The following ACP3 variants were observed in gnomAD, a reference collection of about 807,000 sequenced individuals.
The protein encoded by ACP3 is prostatic acid phosphatase.
In ACP3, 38 loss-of-function variants were observed where a neutral mutation model predicts 45.6. That is an observed-to-expected ratio of 0.83 (90% CI 0.64 to 1.09). The LOEUF is 1.09. Ranked by LOEUF, ACP3 falls within the 50% of genes least tolerant of loss-of-function variation. The probability of loss-of-function intolerance (pLI) is 0.00; values close to 1 mark genes in which losing one functional copy is unlikely to be tolerated. For synonymous variants in ACP3, 162 were observed against 164.7 expected, an observed-to-expected ratio of 0.98 and a Z score of 0.13; for missense variants, 466 against 463.2, an observed-to-expected ratio of 1.01 and a Z score of -0.05.
At chr3:132,359,859 T>C (rs1275573187), downstream of ACP3, among the ~76,000 whole-genome samples, 1 of 152,208 alleles carries the variant, frequency 6.6e-6, no homozygotes, top group Admixed American at 6.5e-5. Context: ...CCACTTCACC[T>C]GGGCAGCTCC....
intron 8 of ACP3, among the ~76,000 whole-genome samples, chr3:132,351,729 T>C (rs902937561): frequency 9.2e-5 from 14 of 152,210 alleles, no homozygotes; most frequent in African/African-American, 2.4e-4. Flanking sequence ...CTTTTTTTTT[T>C]TCTCTATTAG....
At chr3:132,318,506 T>C (rs1182504107) in intron 1 of ACP3, among the ~76,000 whole-genome samples, 1 of 152,140 alleles carries the variant, frequency 6.6e-6, no homozygotes, top group African/African-American at 2.4e-5. Context: ...TCAGGCTTTT[T>C]TTTTTTTCAG....
Position 132,356,746 on chromosome 3 carries a change from G to A in ACP3, c.1029G>A (p.Met343Ile). The stretch of plus-strand genomic sequence containing the variant: ...CGCAGCACGAGCCGTATCCCCTCAT[G>A]CTACCTGGCTGCAGCCCCAGCTGTC... ...NETQHEPYPLMLPGCSPSCPL... is the reference protein window; with the variant it reads ...NETQHEPYPLILPGCSPSCPL... Residue 343 changes from methionine to isoleucine, a missense_variant, in exon 10 of 10, where the codon ATG (methionine) becomes ATA (isoleucine). By Grantham distance (10) the Met-to-Ile change is conservative. Coordinates refer to ENST00000336375, the MANE Select transcript of ACP3 (RefSeq NM_001099.5). 1 of 1,614,154 alleles carries A rather than the reference G, an allele frequency of 6.2e-7. No individual in the cohort carries two copies. The highest frequency in any genetic ancestry group is 8.5e-7 in the Non-Finnish European group (1 of 1,180,028).
At chr3:132,351,910 G>A (rs1289451438) in intron 8 of ACP3, among the ~76,000 whole-genome samples, 1 of 152,158 alleles carries the variant, frequency 6.6e-6, no homozygotes, top group Non-Finnish European at 1.5e-5. Flanking sequence ...CCACTCTGGG[G>A]TAAACATTTA....
In ACP3 at chr3:132,358,735, T is replaced by G. The variant is rs1337323228; in HGVS notation, c.*1857T>G. 1.5e-5 allele frequency: 15 copies of G among 991,954 alleles called. No individual in the cohort carries two copies. In the East Asian group the frequency reaches 1.5e-3, roughly 100 times the overall value. 61.4% of individuals were successfully genotyped at this position (991,954 alleles called of 1,614,324 possible). A position where few individuals can be genotyped will look rare whatever the true frequency, so the allele number is the denominator to read the frequency against. ...AGTGAGCCAAATGTAAAATAGTGAA[T>G]AAAGTCATTATTAGGAAGTTCAAAA... On this transcript the variant is annotated 3_prime_UTR_variant, in exon 10 of 10. Transcript: ENST00000336375.
At chr3:132,320,000 C>A (rs1937176174) in intron 1 of ACP3, among the ~76,000 whole-genome samples, 1 of 151,846 alleles carries the variant, frequency 6.6e-6, no homozygotes, top group Non-Finnish European at 1.5e-5. Context: ...GTGCCTGTGA[C>A]CCATGAAATG....
In ACP3 at chr3:132,349,928, G is replaced by A. The variant is rs1022566053; in HGVS notation, c.790G>A (p.Val264Ile). ...EKSRLQGGVLVNEILNHMKRA... is the reference protein window; with the variant it reads ...EKSRLQGGVLINEILNHMKRA... ...GATTCATCTTCTTTAAGGTGTCCTGGTCAATGAAATCCTCAATCACATGAA... is the reference window on the plus strand; with the variant it reads ...GATTCATCTTCTTTAAGGTGTCCTGATCAATGAAATCCTCAATCACATGAA... Residue 264 changes from valine (V) to isoleucine (I), a missense_variant, in exon 8 of 10, where the codon GTC (valine) becomes ATC (isoleucine). Physicochemically the swap from Val to Ile is conservative, Grantham distance 29. Transcript: ENST00000336375. 3.7e-6 allele frequency: 6 copies of A among 1,611,404 alleles called. No individual in the cohort carries two copies. The highest frequency in any genetic ancestry group is 4.2e-6 in the Non-Finnish European group (5 of 1,177,812).
intron 5 of ACP3, among the ~76,000 whole-genome samples, chr3:132,341,284 T>C (rs6774596): frequency 0.12 from 18,469 of 152,202 alleles, 1,371 homozygotes; most frequent in Non-Finnish European, 0.18. Flanking sequence ...TTTTATGAAA[T>C]TAAGGAAATA....
chr3:132,347,056 T>C (rs1409746984), intron 7 of ACP3, among the ~76,000 whole-genome samples: 1 of 152,220 alleles, frequency 6.6e-6, no homozygotes, highest in Non-Finnish European at 1.5e-5. Context: ...AAGATTACAT[T>C]TGGGAGAAGC....
At chr3:132,362,996 A>C (rs1163433273), downstream of ACP3, among the ~76,000 whole-genome samples, 2 of 152,198 alleles carry the variant, frequency 1.3e-5, no homozygotes, top group African/African-American at 4.8e-5. Context: ...ATTAAGATAC[A>C]ATTAATCATG....
rs572333680 is a variant in ACP3, at chr3:132,325,917, A to G, written c.121-2350A>G. 2.6e-5 allele frequency among the ~76,000 whole-genome samples: 4 copies of G among 152,370 alleles called. No individual in the cohort carries two copies. The South Asian group carries it at 6.2e-4, about 24-fold the overall frequency. ...TTTGTGGAACTGATGAGAAGATTAC[A>G]TCTATGAGAAGCACTTAGCACAGTT... On this transcript the variant is annotated intron_variant, in intron 1 of 9. Coordinates refer to ENST00000336375, the MANE Select transcript of ACP3 (RefSeq NM_001099.5).
intron 6 of ACP3, among the ~76,000 whole-genome samples, chr3:132,344,157 A>G (rs1257918667): frequency 2.0e-5 from 3 of 152,064 alleles, no homozygotes; most frequent in Non-Finnish European, 4.4e-5. Flanking sequence ...GCATGCCTGT[A>G]ATCCCAGCTA....
intron 1 of ACP3, among the ~76,000 whole-genome samples, chr3:132,318,930 C>A (rs895943706): frequency 2.6e-5 from 4 of 152,142 alleles, no homozygotes; most frequent in Non-Finnish European, 5.9e-5. Flanking sequence ...TGATGTATTC[C>A]CTCCTCCATG....
intron 6 of ACP3, 79 bp downstream of exon 6, chr3:132,342,723 T>G: frequency 1.2e-6 from 1 of 853,192 alleles, no homozygotes; most frequent in Non-Finnish European, 1.8e-6. Flanking sequence ...ATGAATATCT[T>G]TTCTTTCACT....
In ACP3 at chr3:132,337,467, G is replaced by A; in HGVS notation, c.468G>A (p.Leu156=). Residue 156 remains leucine, a synonymous_variant, in exon 5 of 10, where the codon CTG becomes CTA. Coordinates refer to ENST00000336375, the MANE Select transcript of ACP3 (RefSeq NM_001099.5). ...VPLSEDQLLY[L]PFRNCPRFQE... is the part of the protein sequence containing the mutation. ...TCTCTTATCCTCAGTTGCTATACCT[G>A]CCTTTCAGGAACTGCCCTCGTTTTC... 1.2e-6 allele frequency: 2 copies of A among 1,608,006 alleles called. No individual in the cohort carries two copies. Among genetic ancestry groups the A allele is most frequent in the South Asian group, 1.1e-5 (1 of 90,544 alleles).
intron 5 of ACP3, among the ~76,000 whole-genome samples, chr3:132,339,599 G>A (rs1937528578): frequency 6.6e-6 from 1 of 152,150 alleles, no homozygotes; most frequent in Non-Finnish European, 1.5e-5. Context: ...AGAACTCAGG[G>A]AAACACAGTT....
In ACP3 at chr3:132,331,729, A is replaced by C; in HGVS notation, c.299A>C (p.Glu100Ala). ...RKFLNESYKH[E>A]QVYIRSTDVD... Reference sequence around the variant, plus strand: ...TTCTTGAATGAGTCCTATAAACATGAACAGGCAAGTTGGGGAGCCAAGAGT... The same window carrying C: ...TTCTTGAATGAGTCCTATAAACATGCACAGGCAAGTTGGGGAGCCAAGAGT... The change falls in exon 3 of 10, where the codon GAA becomes GCA. Residue 100 changes from glutamate (E) to alanine (A), a missense_variant. Glu to Ala is a moderately radical substitution (Grantham distance 107, BLOSUM62 -1). Transcript: ENST00000336375. 1 of 1,602,456 alleles carries C rather than the reference A, an allele frequency of 6.2e-7. No individual in the cohort carries two copies. Among genetic ancestry groups the C allele is most frequent in the Non-Finnish European group, 8.5e-7 (1 of 1,176,132 alleles).
At chr3:132,321,486 T>C (rs1192895392) in intron 1 of ACP3, among the ~76,000 whole-genome samples, 1 of 152,130 alleles carries the variant, frequency 6.6e-6, no homozygotes, top group Non-Finnish European at 1.5e-5. Flanking sequence ...CACAGGTTTT[T>C]CAAAGACATT....
chr3:132,330,668 G>C (rs1292368938), intron 2 of ACP3, among the ~76,000 whole-genome samples: 1 of 152,116 alleles, frequency 6.6e-6, no homozygotes, highest in Non-Finnish European at 1.5e-5. Flanking sequence ...TGATTATAGT[G>C]GTGGTCAAGC....
Sources: gnomAD v4.1 joint callset for allele counts (sites outside exome capture counted in the v4.1 genomes callset) on GRCh38, gnomAD v4.1.1 for gene constraint, MANE v1.5 for transcripts, NCBI Gene and HGNC (gene_info 2026-07-23, HGNC 2026-07-21) for gene names.